COL25A1: variants seen among roughly 807,000 people sequenced by gnomAD.
COL25A1 encodes collagen alpha-1(XXV) chain.
COL25A1 carries 103 observed loss-of-function variants against 128.4 expected under a neutral mutation model. That is an observed-to-expected ratio of 0.80 (90% CI 0.68 to 0.94). The LOEUF (loss-of-function observed/expected upper bound fraction) is 0.94. Ranked by LOEUF, COL25A1 falls within the 40% of genes least tolerant of loss-of-function variation. The probability of loss-of-function intolerance (pLI) is 0.00; values close to 1 mark genes in which losing one functional copy is unlikely to be tolerated. For synonymous variants in COL25A1, 279 were observed against 277.2 expected (o/e 1.01, Z -0.06); for missense variants, 745 against 840.0 (o/e 0.89, Z 1.40).
At chr4:109,206,942 A>G (rs1463920233) in intron 3 of COL25A1, among the ~76,000 whole-genome samples, 3 of 152,206 alleles carry the variant, frequency 2.0e-5, no homozygotes, top group Non-Finnish European at 4.4e-5. Context: ...AACGTCTTTT[A>G]GTTGGCATTC....
At chr4:108,824,802 A>G (rs11936697) in intron 34 of COL25A1, among the ~76,000 whole-genome samples, 1,613 of 152,296 alleles carry the variant, frequency 0.011, 29 homozygotes, top group African/African-American at 0.037. Context: ...ACTAAATGTT[A>G]AAAGGAAAAA....
chr4:108,998,565 T>C (rs1350154546), intron 6 of COL25A1, among the ~76,000 whole-genome samples: 6 of 152,128 alleles, frequency 3.9e-5, no homozygotes, highest in Non-Finnish European at 8.8e-5. Flanking sequence ...GATTCAATGC[T>C]ATCCCCATCA....
At chr4:109,159,686 A>G (rs1484815437) in intron 3 of COL25A1, among the ~76,000 whole-genome samples, 2 of 152,240 alleles carry the variant, frequency 1.3e-5, no homozygotes, top group African/African-American at 4.8e-5. Flanking sequence ...AAAGGCTCCA[A>G]TTTGAGGTAT....
At chr4:108,848,918 A>G in intron 26 of COL25A1, 115 bp from the exon 27 acceptor site, 3 of 734,234 alleles carry the variant, frequency 4.1e-6, no homozygotes, top group Non-Finnish European at 7.2e-6. Flanking sequence ...CAAATGCATC[A>G]TAACCCGAGA....
intron 3 of COL25A1, among the ~76,000 whole-genome samples, chr4:109,087,947 C>T (rs973974956): frequency 2.0e-5 from 3 of 151,702 alleles, no homozygotes; most frequent in African/African-American, 4.8e-5. Context: ...ACTTGACTGG[C>T]ATCCAAAAAG....
intron 13 of COL25A1, among the ~76,000 whole-genome samples, chr4:108,908,210 A>G (rs1743759921): frequency 6.6e-6 from 1 of 152,160 alleles, no homozygotes; most frequent in Non-Finnish European, 1.5e-5. Context: ...ATTCTTCACC[A>G]GTTTCCTCAA....
intron 31 of COL25A1, among the ~76,000 whole-genome samples, chr4:108,835,861 C>CTTTTTTT (rs1158184110): frequency 5.0e-4 from 23 of 45,722 alleles, no homozygotes; most frequent in South Asian, 2.6e-3. Context: ...TTACATACGT[C>CTTTTTTT]TTTTTTTTTT....
At chr4:109,074,958 A>G (rs975458612) in intron 3 of COL25A1, among the ~76,000 whole-genome samples, 1 of 152,184 alleles carries the variant, frequency 6.6e-6, no homozygotes, top group African/African-American at 2.4e-5. Flanking sequence ...CCAAAACACA[A>G]TGCTAAAGTT....
intron 3 of COL25A1, among the ~76,000 whole-genome samples, chr4:109,122,849 G>A (rs1768231391): frequency 6.6e-6 from 1 of 152,014 alleles, no homozygotes; most frequent in Non-Finnish European, 1.5e-5. Context: ...TATACTTATT[G>A]AGTTATTCAC....
At chr4:109,128,391 G>A (rs1768837392) in intron 3 of COL25A1, among the ~76,000 whole-genome samples, 2 of 152,150 alleles carry the variant, frequency 1.3e-5, no homozygotes, top group African/African-American at 4.8e-5. Context: ...ACAAAGCTTT[G>A]CTTCCCAAAC....
chr4:108,904,459 A>G (rs984979106), intron 13 of COL25A1, among the ~76,000 whole-genome samples: 8 of 152,204 alleles, frequency 5.3e-5, no homozygotes, highest in Non-Finnish European at 1.0e-4. Context: ...GGAATAAAGC[A>G]TACATCTTAT....
At chr4:108,937,699 C>T in intron 11 of COL25A1, 109 bp downstream of exon 11, 1 of 926,524 alleles carries the variant, frequency 1.1e-6, no homozygotes, top group Non-Finnish European at 1.6e-6. Context: ...CTAATTTTCA[C>T]TTTTTTATTA....
At chr4:109,217,325 C>A (rs949936393) in intron 3 of COL25A1, among the ~76,000 whole-genome samples, 2 of 151,876 alleles carry the variant, frequency 1.3e-5, no homozygotes, top group African/African-American at 4.8e-5. Context: ...TAAAGCAAAT[C>A]CTGTTTATTC....
intron 30 of COL25A1, among the ~76,000 whole-genome samples, chr4:108,844,013 C>T (rs1734778053): frequency 6.6e-6 from 1 of 152,184 alleles, no homozygotes; most frequent in African/African-American, 2.4e-5. Context: ...ATCCTCCCAC[C>T]TCAGCCTCCT....
At chr4:108,833,360 G>A (rs1171884793) in intron 31 of COL25A1, among the ~76,000 whole-genome samples, 1 of 152,186 alleles carries the variant, frequency 6.6e-6, no homozygotes, top group Non-Finnish European at 1.5e-5. Flanking sequence ...ATTCCCCTTT[G>A]TCCCCCTGGT....
chr4:108,984,941 T>C (rs1022030259), intron 6 of COL25A1, among the ~76,000 whole-genome samples: 1 of 152,222 alleles, frequency 6.6e-6, no homozygotes, highest in African/African-American at 2.4e-5. Context: ...ATAGGTTTTA[T>C]GAAGGGCCCC....
At chr4:108,934,908 C>T (rs1747222565) in intron 11 of COL25A1, among the ~76,000 whole-genome samples, 2 of 152,148 alleles carry the variant, frequency 1.3e-5, no homozygotes, top group South Asian at 2.1e-4. Flanking sequence ...TAATAACATA[C>T]TCATATAGCT....
intron 30 of COL25A1, among the ~76,000 whole-genome samples, chr4:108,843,654 A>G (rs1734726588): frequency 6.6e-6 from 1 of 152,228 alleles, no homozygotes; most frequent in Admixed American, 6.5e-5. Context: ...CAATCAAAGT[A>G]TCATAAAAGT....
At chr4:109,275,264 A>C (rs1722713759) in intron 3 of COL25A1, among the ~76,000 whole-genome samples, 1 of 152,168 alleles carries the variant, frequency 6.6e-6, no homozygotes, top group Non-Finnish European at 1.5e-5. Flanking sequence ...CAAGTAGAGA[A>C]AACCATCTGT....
Sources: allele counts gnomAD v4.1 joint callset (sites outside exome capture counted in the v4.1 genomes callset), GRCh38; gene constraint gnomAD v4.1.1; transcripts MANE v1.5; gene names NCBI Gene and HGNC (gene_info 2026-07-23, HGNC 2026-07-21).